The following NCOR2 variants were observed in gnomAD, a reference collection of about 807,000 sequenced individuals.
NCOR2 encodes the protein nuclear receptor corepressor 2, also known as CTG repeat protein 26.
In NCOR2, 81 loss-of-function variants were observed where a neutral mutation model predicts 262.9. That is an observed-to-expected ratio of 0.31 (90% CI 0.26 to 0.37). The LOEUF (loss-of-function observed/expected upper bound fraction) is 0.37, where lower values mean the gene tolerates loss of function less well. Among genes scored for constraint, NCOR2 ranks in the 10% least tolerant of loss-of-function variants. The pLI, the probability that NCOR2 is intolerant of heterozygous loss-of-function variation, is 1.00. For synonymous variants in NCOR2, 1,659 were observed against 1,559.3 expected (o/e 1.06, Z -1.51); for missense variants, 3,385 against 3,621.4 (o/e 0.93, Z 1.68).
chr12:124,356,934 G>C lies in NCOR2; in HGVS notation c.3101-152C>G, dbSNP rs964694495. On this transcript the variant is annotated intron_variant, in intron 22 of 46. Coordinates refer to ENST00000405201, the Ensembl canonical transcript of NCOR2. ...CTCCTCCGGGAAGCCCCCCAAGTCT[G>C]CCTGCCTGGGCGCTGCTCTGTAACC... is the stretch of plus-strand genomic sequence containing the variant. 5 of 945,754 alleles carry C rather than the reference G, an allele frequency of 5.3e-6. No individual in the cohort carries two copies. The Admixed American group carries it at 1.3e-4, about 24-fold the overall frequency. 58.6% of individuals were successfully genotyped at this position (945,754 alleles called of 1,614,324 possible). A position where few individuals can be genotyped will look rare whatever the true frequency, so the allele number is the denominator to read the frequency against.
intron 20 of NCOR2, among the ~76,000 whole-genome samples, chr12:124,369,586 A>G (rs1338184574): frequency 6.7e-5 from 10 of 149,744 alleles, no homozygotes; most frequent in Admixed American, 1.3e-4. Context: ...TGGCCGGCAG[A>G]GGGAGGGGTG....
At chr12:124,330,865 A>G (rs2035127987) in exon 44 of NCOR2, 2 of 1,582,834 alleles carry the variant, frequency 1.3e-6, no homozygotes, top group Non-Finnish European at 8.6e-7. Context: ...GATGGCGGGC[A>G]TATTGAAGAT....
chr12:124,497,377 T>C (rs756640430), upstream of NCOR2, among the ~76,000 whole-genome samples: 1 of 152,248 alleles, frequency 6.6e-6, no homozygotes, highest in Non-Finnish European at 1.5e-5. This position sits in a 1 kb window ranked among gnomAD's most constrained non-coding sequence, Gnocchi z 4.2. Context: ...CTGCGTGGCC[T>C]TGGGCAAGTC....
rs565889617 is a variant in NCOR2, at chr12:124,517,630, T to C, written c.-118+17935A>G. Among the ~76,000 whole-genome samples the C allele has an allele frequency of 7.2e-5, 11 of 152,142 alleles. No individual in the cohort carries two copies. The South Asian group carries it at 2.3e-3, about 32-fold the overall frequency. On this transcript the variant is annotated intron_variant, in intron 1 of 46. Coordinates refer to the NCOR2 transcript ENST00000404621. The surrounding 1 kb of genome is among the most constrained non-coding windows in gnomAD (Gnocchi z 7.6). ...CGGGAGCGCCCACGATCACATGCCC[T>C]CCTGAAGTCAACTCCGGGAACAGAA...
intron 23 of NCOR2, 29 bp downstream of exon 25, chr12:124,356,613 G>C: frequency 7.0e-7 from 1 of 1,418,724 alleles, no homozygotes; most frequent in East Asian, 2.8e-5. Context: ...ACTGGCTGAA[G>C]AAGCCCAAGC....
intron 26 of NCOR2, 115 bp downstream of exon 28, chr12:124,354,363 G>C (rs749144644): frequency 1.4e-4 from 166 of 1,217,320 alleles, no homozygotes; most frequent in Middle Eastern, 1.9e-4. Context: ...CTGTGAAGAG[G>C]GGCCCCCAGA....
chr12:124,540,162 T>TGCAAA (rs547438860), upstream of NCOR2, among the ~76,000 whole-genome samples: 351 of 147,804 alleles, frequency 2.4e-3, no homozygotes, highest in Admixed American at 6.4e-3. Context: ...GCAAGGTGAT[T>TGCAAA]GCAAAGAGTG....
Position 124,457,383 on chromosome 12 carries a change from C to A in NCOR2, c.706-221G>T, listed in dbSNP as rs975209721. 6.6e-6 allele frequency among the ~76,000 whole-genome samples: 1 copy of A among 151,886 alleles called. No individual in the cohort carries two copies. Among genetic ancestry groups the A allele is most frequent in the East Asian group, 1.9e-4 (1 of 5,146 alleles). ...CCCACAGCGGCCCCAGCAAGCCAGC[C>A]AAGTTTCGATTTTAGCAAATGCGCC... On this transcript the variant is annotated intron_variant, in intron 5 of 46. Transcript: ENST00000405201. This position sits in a 1 kb window ranked among gnomAD's most constrained non-coding sequence, Gnocchi z 4.0.
chr12:124,562,160 G>C (rs2052093561), intron 1 of NCOR2: 1 of 152,146 alleles, frequency 6.6e-6, no homozygotes, highest in Non-Finnish European at 1.5e-5. Flanking sequence ...GCCACAGGTG[G>C]CTGTTTAAAT....
At chr12:124,397,144 G>A (rs552195876) in intron 16 of NCOR2, among the ~76,000 whole-genome samples, 6 of 152,308 alleles carry the variant, frequency 3.9e-5, no homozygotes, top group Non-Finnish European at 8.8e-5. Flanking sequence ...TTAGATAACC[G>A]AGAGTGAGCG....
chr12:124,333,967 G>GGTGCGCATGTGTGCATGTGTGTGT (rs1566354203), intron 41 of NCOR2, among the ~76,000 whole-genome samples: 1 of 147,354 alleles, frequency 6.8e-6, no homozygotes, highest in Non-Finnish European at 1.5e-5. Context: ...TGTGTGTGCG[G>GGTGCGCATGTGTGCATGTGTGTGT]GTGCGCATGT....
At chr12:124,355,536 G>A (rs370852815) in exon 24 of NCOR2, 24 of 1,594,106 alleles carry the variant, frequency 1.5e-5, no homozygotes, top group Admixed American at 6.9e-5. Context: ...AGGACGGGCC[G>A]GGCAGTGTCA....
At chr12:124,371,288 G>A (rs1164554230) in intron 20 of NCOR2, among the ~76,000 whole-genome samples, 2 of 143,760 alleles carry the variant, frequency 1.4e-5, no homozygotes, top group Non-Finnish European at 1.5e-5. Flanking sequence ...TTCCCACCTC[G>A]GGCCTTCGCA....
chr12:124,355,272 T>G, intron 24 of NCOR2, 160 bp downstream of exon 26: 1 of 825,126 alleles, frequency 1.2e-6, no homozygotes, highest in Non-Finnish European at 1.9e-6. Flanking sequence ...AGGCCCTGAG[T>G]GCCTGGGGCA....
intron 20 of NCOR2, among the ~76,000 whole-genome samples, chr12:124,365,591 CGGGG>C (rs1461190190): frequency 1.3e-5 from 2 of 152,204 alleles, no homozygotes; most frequent in Non-Finnish European, 1.5e-5. Context: ...CTCAGCTGAG[CGGGG>C]AGAGCAGACA....
chr12:124,420,436 C>T (rs180707148), intron 12 of NCOR2, among the ~76,000 whole-genome samples: 1 of 152,332 alleles, frequency 6.6e-6, no homozygotes, highest in African/African-American at 2.4e-5. Flanking sequence ...AGCCCACAGC[C>T]GGGCAAACTC....
In NCOR2 at chr12:124,333,972, G is replaced by A. The variant is rs115627542; in HGVS notation, c.6605+452C>T. Among the ~76,000 whole-genome samples the A allele has an allele frequency of 9.2e-3, 1,398 of 151,422 alleles. 15 individuals carry two copies. The highest frequency in any genetic ancestry group is 0.031 in the African/African-American group (1,297 of 41,266). On this transcript the variant is annotated intron_variant, in intron 41 of 46. Transcript: ENST00000405201. ...TGTGCACGTGTGTGTGTGCGGGTGC[G>A]CATGTGTGCGGGTGTGCATGTGTGT...
rs369542006 is a variant in NCOR2 at position 124,330,906 on chromosome 12, C to T, written c.6905-8G>A. On this transcript the variant is annotated splice_region_variant and splice_polypyrimidine_tract_variant and intron_variant, in intron 43 of 46. Coordinates refer to ENST00000405201, the Ensembl canonical transcript of NCOR2. Reference sequence around the variant, plus strand: ...TCCCAGGCTGGCTGATATCTGGAAGCGGGTGACAGAGTGGGTGAGGCCCCC... The same window carrying T: ...TCCCAGGCTGGCTGATATCTGGAAGTGGGTGACAGAGTGGGTGAGGCCCCC... 10 of 1,577,344 alleles carry T rather than the reference C, an allele frequency of 6.3e-6. No homozygotes were observed. The highest frequency in any genetic ancestry group is 2.7e-5 in the African/African-American group (2 of 74,346).
intron 17 of NCOR2, 98 bp downstream of exon 19, chr12:124,385,647 T>C (rs1356230702): frequency 6.6e-7 from 1 of 1,515,250 alleles, no homozygotes; most frequent in Non-Finnish European, 8.9e-7. Context: ...AGCCCCTCCC[T>C]GGCCCATGCC....
Sources: gnomAD v4.1 joint callset for allele counts (sites outside exome capture counted in the v4.1 genomes callset) on GRCh38, gnomAD v4.1.1 for gene constraint, Gnocchi (gnomAD v3.1) non-coding constraint, MANE v1.5 for transcripts, NCBI Gene and HGNC (gene_info 2026-07-23, HGNC 2026-07-21) for gene names.